The following PXDNL variants were observed in gnomAD, a reference collection of about 807,000 sequenced individuals.
PXDNL encodes the protein peroxidasin like.
A neutral mutation model predicts 150.8 loss-of-function variants in PXDNL; 145 were observed. The observed-to-expected ratio is 0.96, with a 90% CI of 0.84 to 1.10. The LOEUF is 1.10. PXDNL is among the 50% of genes least tolerant of loss of function. The probability of loss-of-function intolerance (pLI) is 0.00; values close to 1 mark genes in which losing one functional copy is unlikely to be tolerated. For synonymous variants in PXDNL, 757 were observed against 725.7 expected (o/e 1.04, Z -0.69); for missense variants, 2,087 against 1,873.9 (o/e 1.11, Z -2.10).
At position 51,486,774 on chromosome 8, in the gene PXDNL, ATATATATATATATATATATATTTTTTTT is replaced by A. The variant is rs1289557783; in HGVS notation, c.453-3088_453-3061del. ...TTTATATATATATATATATATATAT[ATATATATATATATATATATATTTTTTTT>A]TTTTTTTTTTTTTTTTTTTGAGACG... On this transcript the variant is annotated intron_variant, in intron 5 of 22. Coordinates refer to ENST00000356297, the MANE Select transcript of PXDNL (RefSeq NM_144651.5). 9.5e-3 allele frequency among the ~76,000 whole-genome samples: 84 copies of A among 8,884 alleles called. 1 individual carries two copies. The highest frequency in any genetic ancestry group is 0.017 in the African/African-American group (76 of 4,440). 5.8% of individuals were successfully genotyped at this position (8,884 alleles called of 152,430 possible). A position where few individuals can be genotyped will look rare whatever the true frequency, so the allele number is the denominator to read the frequency against.
intron 3 of PXDNL, among the ~76,000 whole-genome samples, chr8:51,575,942 A>T (rs1384780022): frequency 6.6e-6 from 1 of 152,046 alleles, no homozygotes; most frequent in African/African-American, 2.4e-5. Flanking sequence ...TTTTATAATT[A>T]TTTTAAAAAG....
At chr8:51,685,863 C>T (rs751570596) in intron 1 of PXDNL, among the ~76,000 whole-genome samples, 1 of 152,062 alleles carries the variant, frequency 6.6e-6, no homozygotes, top group African/African-American at 2.4e-5. Context: ...TTATCTGTTA[C>T]GTTTTCCATT....
At chr8:51,759,534 C>G (rs1025021656) in intron 1 of PXDNL, among the ~76,000 whole-genome samples, 1 of 152,170 alleles carries the variant, frequency 6.6e-6, no homozygotes, top group Non-Finnish European at 1.5e-5. Context: ...TAGGCACGCC[C>G]TAAATACTGG....
chr8:51,520,752 C>A (rs1452408068), intron 4 of PXDNL, among the ~76,000 whole-genome samples: 2 of 152,098 alleles, frequency 1.3e-5, no homozygotes, highest in Non-Finnish European at 2.9e-5. Flanking sequence ...ACACTGAAGC[C>A]TGCATACCTC....
intron 1 of PXDNL, among the ~76,000 whole-genome samples, chr8:51,762,479 G>A (rs1335239709): frequency 6.6e-6 from 1 of 152,136 alleles, no homozygotes; most frequent in Non-Finnish European, 1.5e-5. Context: ...TGCTATCTGA[G>A]AGCTTCCTCT....
chr8:51,632,366 T>C (rs7012849), intron 2 of PXDNL, among the ~76,000 whole-genome samples: 11,154 of 152,170 alleles, frequency 0.073, 1,368 homozygotes, highest in African/African-American at 0.25. Flanking sequence ...TTTGGGAAGC[T>C]GAGGCAGGCA....
intron 4 of PXDNL, among the ~76,000 whole-genome samples, chr8:51,538,634 G>A (rs146617718): frequency 2.0e-5 from 3 of 152,068 alleles, no homozygotes; most frequent in Admixed American, 2.0e-4. Flanking sequence ...GAGTCTGGTG[G>A]TGGGCGTCTG....
intron 19 of PXDNL, among the ~76,000 whole-genome samples, chr8:51,356,839 G>A (rs1208924254): frequency 6.6e-6 from 1 of 152,162 alleles, no homozygotes; most frequent in Non-Finnish European, 1.5e-5. Flanking sequence ...CTACGCCTCT[G>A]TCGGAGCTCT....
intron 4 of PXDNL, among the ~76,000 whole-genome samples, chr8:51,531,002 T>C (rs1811889471): frequency 6.6e-6 from 1 of 151,848 alleles, no homozygotes; most frequent in Admixed American, 6.6e-5. Context: ...AATAAATGAG[T>C]GAGTAAATGA....
At position 51,467,329 on chromosome 8, in the gene PXDNL, T is replaced by C. The variant is rs535786917; in HGVS notation, c.812+4858A>G. On this transcript the variant is annotated intron_variant, in intron 8 of 22. Transcript: ENST00000356297. ...ACAAATTCTGTTTGTCTTTACAAAC[T>C]TACAAATATTCTCATTGTAAGTGAG... is the stretch of plus-strand genomic sequence containing the variant. Among the ~76,000 whole-genome samples the C allele has an allele frequency of 1.1e-4, 16 of 152,236 alleles. No homozygotes were observed. In the South Asian group the frequency reaches 3.3e-3, roughly 32 times the overall value.
At chr8:51,798,644 G>A (rs988206255) in intron 1 of PXDNL, among the ~76,000 whole-genome samples, 1 of 152,152 alleles carries the variant, frequency 6.6e-6, no homozygotes, top group Non-Finnish European at 1.5e-5. Context: ...ACCATTTGAT[G>A]CAAATCAGAG....
intron 4 of PXDNL, among the ~76,000 whole-genome samples, chr8:51,548,055 C>T (rs1006254922): frequency 8.9e-6 from 1 of 111,768 alleles, no homozygotes; most frequent in African/African-American, 3.6e-5. Flanking sequence ...AAGTTTTGAA[C>T]AATAAAATCA....
chr8:51,749,329 G>A (rs541550267), intron 1 of PXDNL, among the ~76,000 whole-genome samples: 3 of 152,252 alleles, frequency 2.0e-5, no homozygotes, highest in Admixed American at 6.5e-5. Flanking sequence ...TCAATGTTGT[G>A]CACACATCAT....
At chr8:51,554,264 T>C (rs1257052077) in intron 4 of PXDNL, among the ~76,000 whole-genome samples, 1 of 152,092 alleles carries the variant, frequency 6.6e-6, no homozygotes, top group Non-Finnish European at 1.5e-5. Flanking sequence ...GGCAGAGACT[T>C]AAGGTGGTGC....
chr8:51,413,296 G>C, intron 14 of PXDNL, 38 bp from the exon 15 acceptor site: 1 of 1,286,822 alleles, frequency 7.8e-7, no homozygotes, highest in Non-Finnish European at 1.1e-6. Flanking sequence ...ATATCAAACA[G>C]ACCTTGAAGT....
intron 19 of PXDNL, among the ~76,000 whole-genome samples, chr8:51,365,452 C>G (rs1806886112): frequency 6.6e-6 from 1 of 152,186 alleles, no homozygotes; most frequent in South Asian, 2.1e-4. Flanking sequence ...CTTTACCTAG[C>G]ACATTCTTTG....
chr8:51,604,461 G>T (rs1813798406), intron 2 of PXDNL, among the ~76,000 whole-genome samples: 1 of 152,102 alleles, frequency 6.6e-6, no homozygotes, highest in Non-Finnish European at 1.5e-5. Flanking sequence ...AGAACACATG[G>T]ACACAGGAAG....
At position 51,457,636 on chromosome 8, in the gene PXDNL, GTCGAGTA is replaced by G; in HGVS notation, c.837_843del (p.Thr280LeufsTer10). On this transcript the variant is annotated frameshift_variant, in exon 9 of 23. Coordinates refer to ENST00000356297, the MANE Select transcript of PXDNL (RefSeq NM_144651.5). LOFTEE classifies it high-confidence loss of function. ...AGTGTGCCATCATCAAACACATTAA[GTCGAGTA>G]TCATCTTCCAAATCCAATGAGTGGC... The G allele has an allele frequency of 6.2e-7, 1 of 1,613,584 alleles. No individual in the cohort carries two copies. Among genetic ancestry groups the G allele is most frequent in the Admixed American group, 1.7e-5 (1 of 59,978 alleles).
chr8:51,640,583 A>G (rs1313307368), intron 2 of PXDNL, among the ~76,000 whole-genome samples: 4 of 152,236 alleles, frequency 2.6e-5, no homozygotes, highest in Non-Finnish European at 5.9e-5. Flanking sequence ...GAGCCAAATC[A>G]TGAGTGAACT....
Sources: gnomAD v4.1 joint callset for allele counts (sites outside exome capture counted in the v4.1 genomes callset) on GRCh38, gnomAD v4.1.1 for gene constraint, MANE v1.5 for transcripts, NCBI Gene and HGNC (gene_info 2026-07-23, HGNC 2026-07-21) for gene names.